Variants in RNLS observed in about 807,000 individuals in gnomAD.
RNLS encodes renalase.
Under a neutral mutation model 39.8 loss-of-function variants are expected in RNLS, and 39 were observed. The observed-to-expected ratio is 0.98, with a 90% confidence interval of 0.76 to 1.28. The LOEUF is 1.28. RNLS is among the 50% of genes most tolerant of loss of function. The pLI, the probability that RNLS is intolerant of heterozygous loss-of-function variation, is 0.00. For missense variants in RNLS, 410 were observed against 413.3 expected, an observed-to-expected ratio of 0.99 and a Z score of 0.07; for synonymous variants, 147 against 150.7, an observed-to-expected ratio of 0.98 and a Z score of 0.18.
intron 4 of RNLS, among the ~76,000 whole-genome samples, chr10:88,505,861 C>T (rs1430044600): frequency 5.9e-5 from 9 of 152,106 alleles, no homozygotes; most frequent in Admixed American, 5.9e-4. Flanking sequence ...AAGGAATGCA[C>T]ATGTTATCAG....
intron 4 of RNLS, among the ~76,000 whole-genome samples, chr10:88,476,078 G>A (rs1843809690): frequency 6.6e-6 from 1 of 152,036 alleles, no homozygotes; most frequent in African/African-American, 2.4e-5. Context: ...GCAGATCCTG[G>A]GAGTCCAGAA....
chr10:88,451,317 T>C lies in RNLS; in HGVS notation c.527-88592A>G, dbSNP rs144596652. Among the ~76,000 whole-genome samples, 495 of 152,282 alleles carry C rather than the reference T, an allele frequency of 3.3e-3. 3 individuals are homozygous for C. The highest frequency in any genetic ancestry group is 5.3e-3 in the Non-Finnish European group (360 of 68,020). Reference sequence around the variant, plus strand: ...AGTTTTATTCACCAGAATTTGTAGTTGGGGATAGAAGTGACTGGAGAAGAC... The same window carrying C: ...AGTTTTATTCACCAGAATTTGTAGTCGGGGATAGAAGTGACTGGAGAAGAC... On this transcript the variant is annotated intron_variant, in intron 4 of 6. Coordinates refer to ENST00000331772, the MANE Select transcript of RNLS (RefSeq NM_001031709.3).
chr10:88,385,316 TGTA>T (rs1371645144), intron 4 of RNLS, among the ~76,000 whole-genome samples: 1 of 152,330 alleles, frequency 6.6e-6, no homozygotes, highest in African/African-American at 2.4e-5. Context: ...TGAAATTATT[TGTA>T]GTATAAGTAT....
chr10:88,180,154 G>T, the RNLS span, among the ~76,000 whole-genome samples: 1 of 152,170 alleles, frequency 6.6e-6, no homozygotes, highest in African/African-American at 2.4e-5. Context: ...TCGTTTATAA[G>T]ATTTGTACAT....
intron 4 of RNLS, among the ~76,000 whole-genome samples, chr10:88,570,992 T>TA (rs1564910262): frequency 6.6e-6 from 1 of 150,898 alleles, no homozygotes; most frequent in Non-Finnish European, 1.5e-5. Context: ...TTGGTTTGTT[T>TA]TTTTTTTTTG....
the RNLS span, among the ~76,000 whole-genome samples, chr10:88,240,029 A>G: frequency 1.0e-3 from 154 of 152,360 alleles, 1 homozygote; most frequent in Non-Finnish European, 1.7e-3. Context: ...AACTATTTAT[A>G]AAAACATAAT....
chr10:88,524,513 C>A (rs974307972), intron 4 of RNLS, among the ~76,000 whole-genome samples: 4 of 152,070 alleles, frequency 2.6e-5, no homozygotes, highest in African/African-American at 7.2e-5. Flanking sequence ...TGCAAAATAA[C>A]TTAACTCTGT....
the RNLS span, among the ~76,000 whole-genome samples, chr10:88,263,524 G>A: frequency 2.0e-5 from 3 of 152,038 alleles, no homozygotes; most frequent in African/African-American, 7.2e-5. Context: ...AAAACTCTGT[G>A]TTTGCTTTGT....
intron 1 of RNLS, among the ~76,000 whole-genome samples, chr10:88,582,816 T>C (rs930512385): frequency 6.6e-6 from 1 of 152,196 alleles, no homozygotes; most frequent in Admixed American, 6.5e-5. Flanking sequence ...TCTCCCTCTG[T>C]AGAGCGCGGG....
chr10:88,313,486 A>G (rs893695202), intron 6 of RNLS, among the ~76,000 whole-genome samples: 3 of 152,234 alleles, frequency 2.0e-5, no homozygotes, highest in African/African-American at 7.2e-5. Flanking sequence ...GCTTAAGTAA[A>G]TATTTTTCCC....
At chr10:88,349,040 G>T (rs1848499678) in intron 5 of RNLS, among the ~76,000 whole-genome samples, 1 of 152,042 alleles carries the variant, frequency 6.6e-6, no homozygotes, top group African/African-American at 2.4e-5. Flanking sequence ...TTTCATGACG[G>T]TAGGGACTAT....
intron 4 of RNLS, among the ~76,000 whole-genome samples, chr10:88,469,214 A>C (rs1241544159): frequency 6.6e-6 from 1 of 152,126 alleles, no homozygotes; most frequent in African/African-American, 2.4e-5. Context: ...CACTCAAATA[A>C]TGTGATTCAT....
chr10:88,332,319 A>T (rs991623705), intron 5 of RNLS, among the ~76,000 whole-genome samples: 4 of 152,262 alleles, frequency 2.6e-5, no homozygotes, highest in Non-Finnish European at 4.4e-5. Context: ...TTAATTGAAG[A>T]GTAAAGTTCT....
intron 5 of RNLS, among the ~76,000 whole-genome samples, chr10:88,326,041 T>G (rs530772548): frequency 7.2e-5 from 11 of 152,336 alleles, no homozygotes; most frequent in African/African-American, 2.6e-4. Flanking sequence ...TCCCCAGCCA[T>G]GCAAAACTGT....
At chr10:88,256,873 C>T in the RNLS span, among the ~76,000 whole-genome samples, 2 of 152,096 alleles carry the variant, frequency 1.3e-5, no homozygotes, top group Admixed American at 6.6e-5. Flanking sequence ...TCTGACATCT[C>T]GAATAGTTCC....
intron 5 of RNLS, among the ~76,000 whole-genome samples, chr10:88,317,029 T>A (rs1028370332): frequency 1.3e-5 from 2 of 152,216 alleles, no homozygotes; most frequent in African/African-American, 4.8e-5. Context: ...AAATTCAGCA[T>A]AATCATTATT....
chr10:88,489,475 G>A (rs1181517535), intron 4 of RNLS, among the ~76,000 whole-genome samples: 1 of 152,228 alleles, frequency 6.6e-6, no homozygotes, highest in Non-Finnish European at 1.5e-5. Context: ...ACAGCTCTGT[G>A]TGATGAGGCT....
At chr10:88,270,710 T>A (rs954878764), downstream of RNLS, among the ~76,000 whole-genome samples, 14 of 152,220 alleles carry the variant, frequency 9.2e-5, no homozygotes, top group Non-Finnish European at 1.5e-4. Context: ...TATTTCTGTT[T>A]CATTTTTTTT....
chr10:88,305,338 C>T (rs1844841146), intron 6 of RNLS, among the ~76,000 whole-genome samples: 1 of 152,144 alleles, frequency 6.6e-6, no homozygotes, highest in Admixed American at 6.5e-5. Context: ...ATCAAGTATA[C>T]ACATATCAGT....
Sources: allele counts gnomAD v4.1 joint callset (sites outside exome capture counted in the v4.1 genomes callset), GRCh38; gene constraint gnomAD v4.1.1; transcripts MANE v1.5; gene names NCBI Gene and HGNC (gene_info 2026-07-23, HGNC 2026-07-21).